CTNNA3: variants seen among roughly 807,000 people sequenced by gnomAD.
CTNNA3 encodes catenin alpha 3.
Under a neutral mutation model 95.7 loss-of-function variants are expected in CTNNA3, and 76 were observed. The ratio of observed to expected loss-of-function variants is 0.79; its 90% CI spans 0.66 to 0.96. CTNNA3 has a LOEUF of 0.96. Among genes scored for constraint, CTNNA3 ranks in the 40% least tolerant of loss-of-function variants. The pLI is 0.00. For missense variants in CTNNA3, 1,191 were observed against 1,089.8 expected (o/e 1.09, Z -1.31); for synonymous variants, 431 against 374.4 (o/e 1.15, Z -1.74).
At chr10:66,469,253 C>A (rs1736053059) in intron 11 of CTNNA3, among the ~76,000 whole-genome samples, 2 of 151,794 alleles carry the variant, frequency 1.3e-5, no homozygotes, top group Non-Finnish European at 2.9e-5. Flanking sequence ...TTACTGGAAG[C>A]TGTCAAGGAA....
At chr10:67,368,393 T>A (rs574820592) in intron 5 of CTNNA3, among the ~76,000 whole-genome samples, 2 of 152,264 alleles carry the variant, frequency 1.3e-5, no homozygotes, top group Non-Finnish European at 2.9e-5. Flanking sequence ...CCACTGAAAC[T>A]CTCATACACA....
At chr10:66,928,071 C>T in intron 7 of CTNNA3, 3 of 1,614,070 alleles carry the variant, frequency 1.9e-6, no homozygotes, top group Non-Finnish European at 2.5e-6. Flanking sequence ...CCAAGCTCCC[C>T]AGGCCGAAGC....
At chr10:67,636,000 G>T (rs1351355451) in intron 2 of CTNNA3, among the ~76,000 whole-genome samples, 1 of 152,062 alleles carries the variant, frequency 6.6e-6, no homozygotes, top group African/African-American at 2.4e-5. Flanking sequence ...TGCAAAAATT[G>T]CTAGCATTCC....
intron 9 of CTNNA3, among the ~76,000 whole-genome samples, chr10:66,705,797 G>A (rs1052169538): frequency 6.6e-6 from 1 of 151,902 alleles, no homozygotes; most frequent in African/African-American, 2.4e-5. Flanking sequence ...TGGTTACACT[G>A]ATTTTTGTCT....
In CTNNA3 at chr10:65,944,886, A is replaced by ATCTATCTATCTATCTATCTATCTT. The variant is rs1380295124; in HGVS notation, c.2400+21725_2400+21726insAAGATAGATAGATAGATAGATAGA. Among the ~76,000 whole-genome samples the ATCTATCTATCTATCTATCTATCTT allele has an allele frequency of 3.2e-3, 437 of 138,286 alleles. 2 individuals are homozygous for ATCTATCTATCTATCTATCTATCTT. Among genetic ancestry groups the ATCTATCTATCTATCTATCTATCTT allele is most frequent in the African/African-American group, 0.01 (411 of 39,544 alleles). 90.7% of individuals were successfully genotyped at this position (138,286 alleles called of 152,430 possible). Reference sequence around the variant, plus strand: ...TATCTATCTATCTATCTATCTATCTATCTATCTATCTATCATCTATCTATC... The same window carrying ATCTATCTATCTATCTATCTATCTT: ...TATCTATCTATCTATCTATCTATCTATCTATCTATCTATCTATCTATCTTTCTATCTATCTATCATCTATCTATC... On this transcript the variant is annotated intron_variant, in intron 17 of 17. Transcript: ENST00000433211.
chr10:67,152,001 T>A (rs530583916), intron 7 of CTNNA3, among the ~76,000 whole-genome samples: 1 of 152,334 alleles, frequency 6.6e-6, no homozygotes, highest in South Asian at 2.1e-4. Context: ...ACAATTGTTG[T>A]TTTCCTTGAT....
intron 13 of CTNNA3, among the ~76,000 whole-genome samples, chr10:66,226,565 A>AT (rs980154098): frequency 2.2e-5 from 3 of 138,460 alleles, no homozygotes; most frequent in African/African-American, 7.9e-5. Flanking sequence ...AAATTTTAGG[A>AT]TTTTTTTTCC....
At position 66,163,335 on chromosome 10, in the gene CTNNA3, G is replaced by C. The variant is rs532794018; in HGVS notation, c.1885-60086C>G. ...CACCCTCCCAATGGATCTCTGTGGT[G>C]CCAGGAAGGAATAGGCTGCTAGGGG... On this transcript the variant is annotated intron_variant, in intron 13 of 17. Coordinates refer to ENST00000433211, the MANE Select transcript of CTNNA3 (RefSeq NM_013266.4). 3.3e-3 allele frequency among the ~76,000 whole-genome samples: 505 copies of C among 152,204 alleles called. 2 individuals carry two copies. The highest frequency in any genetic ancestry group is 5.5e-3 in the Non-Finnish European group (375 of 68,020).
intron 1 of CTNNA3, among the ~76,000 whole-genome samples, chr10:67,737,525 C>A (rs1564843496): frequency 6.6e-6 from 1 of 152,102 alleles, no homozygotes. Context: ...GAAATTAAGA[C>A]CAAAAAATGC....
At chr10:67,671,742 C>G (rs923927357) in intron 1 of CTNNA3, among the ~76,000 whole-genome samples, 12 of 151,498 alleles carry the variant, frequency 7.9e-5, no homozygotes, top group African/African-American at 2.9e-4. Context: ...GCCACATTTT[C>G]TTAATCCAGT....
chr10:67,517,767 G>A (rs976932085), intron 5 of CTNNA3, among the ~76,000 whole-genome samples: 3 of 152,072 alleles, frequency 2.0e-5, no homozygotes, highest in Admixed American at 6.6e-5. Flanking sequence ...CTTCTTGAGA[G>A]GTGTCAGCAT....
chr10:66,448,767 T>G (rs2093442404), intron 11 of CTNNA3, among the ~76,000 whole-genome samples: 1 of 152,082 alleles, frequency 6.6e-6, no homozygotes, highest in Non-Finnish European at 1.5e-5. Context: ...ACATGGCACA[T>G]GTATACATAT....
intron 11 of CTNNA3, among the ~76,000 whole-genome samples, chr10:66,417,822 A>T (rs1019397173): frequency 8.6e-5 from 13 of 151,972 alleles, no homozygotes; most frequent in South Asian, 2.1e-4. Context: ...ACTAATGAAA[A>T]TGAAAACAAA....
intron 9 of CTNNA3, among the ~76,000 whole-genome samples, chr10:66,712,984 A>T (rs1848343407): frequency 6.6e-6 from 1 of 152,104 alleles, no homozygotes; most frequent in Non-Finnish European, 1.5e-5. Flanking sequence ...AGTTCTGGGA[A>T]AGCTGGGTGC....
At chr10:67,567,190 G>A (rs1841836032) in intron 3 of CTNNA3, among the ~76,000 whole-genome samples, 1 of 148,968 alleles carries the variant, frequency 6.7e-6, no homozygotes, top group South Asian at 2.1e-4. Flanking sequence ...AATAAAAAAA[G>A]AAACAGATGC....
At chr10:66,806,121 T>G (rs1841629395) in intron 7 of CTNNA3, among the ~76,000 whole-genome samples, 1 of 152,038 alleles carries the variant, frequency 6.6e-6, no homozygotes, top group African/African-American at 2.4e-5. Flanking sequence ...AATAGCTATT[T>G]GATTATAAGA....
chr10:67,533,423 T>C (rs183057060), intron 4 of CTNNA3, among the ~76,000 whole-genome samples: 1 of 152,148 alleles, frequency 6.6e-6, no homozygotes, highest in East Asian at 1.9e-4. Context: ...AACAGTATCA[T>C]AGAGATAAAC....
At chr10:67,193,609 G>A (rs751150846) in intron 6 of CTNNA3, among the ~76,000 whole-genome samples, 8 of 151,918 alleles carry the variant, frequency 5.3e-5, no homozygotes, top group Non-Finnish European at 1.2e-4. Context: ...TTCTGTTACT[G>A]CTCCAGTTTG....
At chr10:67,235,383 T>C (rs1206922981) in intron 5 of CTNNA3, among the ~76,000 whole-genome samples, 2 of 152,216 alleles carry the variant, frequency 1.3e-5, no homozygotes, top group Non-Finnish European at 2.9e-5. Context: ...ATCTGATCTT[T>C]GACAAACCTG....
Sources: gnomAD v4.1 joint callset for allele counts (sites outside exome capture counted in the v4.1 genomes callset) on GRCh38, gnomAD v4.1.1 for gene constraint, MANE v1.5 for transcripts, NCBI Gene and HGNC (gene_info 2026-07-23, HGNC 2026-07-21) for gene names.